SLC35F1: variants seen among roughly 807,000 people sequenced by gnomAD.
SLC35F1 encodes solute carrier family 35 member F1, also known as chromosome 6 open reading frame 169.
Under a neutral mutation model 48.7 loss-of-function variants are expected in SLC35F1, and 14 were observed. The observed-to-expected ratio is 0.29, with a 90% CI of 0.19 to 0.45. The LOEUF (loss-of-function observed/expected upper bound fraction) is 0.45. Among genes scored for constraint, SLC35F1 ranks in the 20% least tolerant of loss-of-function variants. SLC35F1 has a pLI of 1.00. For synonymous variants in SLC35F1, 190 were observed against 202.2 expected (o/e 0.94, Z 0.51); for missense variants, 404 against 500.0 (o/e 0.81, Z 1.83).
chr6:118,029,767 T>A (rs1453831564), intron 1 of SLC35F1, among the ~76,000 whole-genome samples: 2 of 152,216 alleles, frequency 1.3e-5, no homozygotes, highest in African/African-American at 4.8e-5. Context: ...AAAACATTTC[T>A]TTACTAAAAA....
rs545507598 is a variant in SLC35F1 at position 118,195,419 on chromosome 6, G to A, written c.350-40090G>A. Among the ~76,000 whole-genome samples, 22 of 152,214 alleles carry A rather than the reference G, an allele frequency of 1.4e-4. 1 individual carries two copies. Among genetic ancestry groups the A allele is most frequent in the African/African-American group, 5.1e-4 (21 of 41,516 alleles). On this transcript the variant is annotated intron_variant, in intron 2 of 7. Transcript: ENST00000360388. Reference sequence around the variant, plus strand: ...CTGGGTCTAATGTATAAGTCAAAGGGAACTCAGTTTTTCAGCAATTCAGGA... The same window carrying A: ...CTGGGTCTAATGTATAAGTCAAAGGAAACTCAGTTTTTCAGCAATTCAGGA...
Position 118,091,547 on chromosome 6 carries a change from G to A in SLC35F1, c.174-62898G>A, listed in dbSNP as rs180995253. Among the ~76,000 whole-genome samples the A allele has an allele frequency of 5.3e-5, 8 of 152,272 alleles. No individual in the cohort carries two copies. In the East Asian group the frequency reaches 1.5e-3, roughly 29 times the overall value. On this transcript the variant is annotated intron_variant, in intron 1 of 7. Transcript: ENST00000360388. ...CCTCCTCAGTTATGTGGAAGTGTGA[G>A]TCCATTAAACATCTTTTTCCTGATA...
At chr6:118,140,138 T>A (rs1019207395) in intron 1 of SLC35F1, among the ~76,000 whole-genome samples, 3 of 152,186 alleles carry the variant, frequency 2.0e-5, no homozygotes, top group Non-Finnish European at 4.4e-5. Context: ...TATAGCAGCC[T>A]TTACTAGGTG....
chr6:118,037,050 A>G (rs983897985), intron 1 of SLC35F1, among the ~76,000 whole-genome samples: 2 of 152,160 alleles, frequency 1.3e-5, no homozygotes, highest in Non-Finnish European at 2.9e-5. Context: ...TCATTATGAA[A>G]CATCTCTCTT....
chr6:118,107,046 T>C (rs1412051199), intron 1 of SLC35F1, among the ~76,000 whole-genome samples: 1 of 152,238 alleles, frequency 6.6e-6, no homozygotes, highest in Admixed American at 6.5e-5. Context: ...TGCTTATTAC[T>C]TAATTCTGGT....
chr6:118,026,005 G>A (rs1207579217), intron 1 of SLC35F1, among the ~76,000 whole-genome samples: 2 of 152,102 alleles, frequency 1.3e-5, no homozygotes, highest in East Asian at 3.9e-4. Flanking sequence ...TTACTTCAAG[G>A]CACTCTGCTA....
At chr6:117,907,968 GT>G in intron 1 of SLC35F1, 69 bp downstream of exon 1, 1 of 1,267,494 alleles carries the variant, frequency 7.9e-7, no homozygotes, top group Non-Finnish European at 9.9e-7. Context: ...GGTCCCCTCC[GT>G]CCCTGGGGCG....
intron 1 of SLC35F1, among the ~76,000 whole-genome samples, chr6:118,051,563 C>A (rs1289206467): frequency 6.6e-6 from 1 of 152,038 alleles, no homozygotes; most frequent in East Asian, 1.9e-4. Context: ...CTGTTTAAGT[C>A]TTTGGGTAAG....
chr6:118,017,254 C>T (rs937666715), intron 1 of SLC35F1, among the ~76,000 whole-genome samples: 11 of 152,166 alleles, frequency 7.2e-5, no homozygotes, highest in African/African-American at 1.7e-4. Flanking sequence ...AACCTGCAAG[C>T]GGGCTGTGAC....
At chr6:118,072,653 T>G (rs1178605364) in intron 1 of SLC35F1, among the ~76,000 whole-genome samples, 1 of 152,220 alleles carries the variant, frequency 6.6e-6, no homozygotes, top group Non-Finnish European at 1.5e-5. Flanking sequence ...TATTTCATTT[T>G]TTGTTCTAAT....
intron 1 of SLC35F1, among the ~76,000 whole-genome samples, chr6:117,999,838 A>G (rs1447647819): frequency 2.0e-5 from 3 of 152,016 alleles, no homozygotes; most frequent in Non-Finnish European, 4.4e-5. Flanking sequence ...CAAATAAACT[A>G]GAAAATCTAG....
chr6:118,234,798 G>A (rs1167923772), intron 2 of SLC35F1, among the ~76,000 whole-genome samples: 2 of 152,162 alleles, frequency 1.3e-5, no homozygotes, highest in Non-Finnish European at 2.9e-5. Flanking sequence ...CCTGCCTTGA[G>A]AAATAAGGTT....
chr6:118,088,418 A>C (rs1324872412), intron 1 of SLC35F1, among the ~76,000 whole-genome samples: 3 of 152,218 alleles, frequency 2.0e-5, no homozygotes, highest in Non-Finnish European at 2.9e-5. Flanking sequence ...CCATGGCCAC[A>C]AAAGTAGTTT....
At chr6:118,256,431 A>C (rs947338729) in intron 3 of SLC35F1, among the ~76,000 whole-genome samples, 1 of 152,156 alleles carries the variant, frequency 6.6e-6, no homozygotes, top group African/African-American at 2.4e-5. Flanking sequence ...CCTCAGGTTT[A>C]GCCTCTGACA....
At chr6:118,167,847 C>A (rs1774341795) in intron 2 of SLC35F1, among the ~76,000 whole-genome samples, 1 of 152,106 alleles carries the variant, frequency 6.6e-6, no homozygotes, top group Non-Finnish European at 1.5e-5. Context: ...TTTGTAGGAC[C>A]ACCATTGTAT....
intron 3 of SLC35F1, among the ~76,000 whole-genome samples, chr6:118,259,738 A>C (rs765441573): frequency 2.0e-5 from 3 of 151,948 alleles, no homozygotes; most frequent in Non-Finnish European, 4.4e-5. Context: ...TGTTGATAGG[A>C]TAAAGAGAAA....
At chr6:118,216,615 C>CTTG (rs1775076809) in intron 2 of SLC35F1, among the ~76,000 whole-genome samples, 1 of 19,392 alleles carries the variant, frequency 5.2e-5, no homozygotes, top group Non-Finnish European at 1.3e-4. Flanking sequence ...TAAAAGAAAC[C>CTTG]CTACATTATA....
intron 2 of SLC35F1, among the ~76,000 whole-genome samples, chr6:118,223,219 T>C (rs1466600409): frequency 6.6e-6 from 1 of 152,240 alleles, no homozygotes; most frequent in African/African-American, 2.4e-5. Flanking sequence ...GAATACTTTA[T>C]AATAAAAAGC....
chr6:118,065,844 C>T (rs1324459733), intron 1 of SLC35F1, among the ~76,000 whole-genome samples: 1 of 152,240 alleles, frequency 6.6e-6, no homozygotes, highest in African/African-American at 2.4e-5. Context: ...GTAGATAAAT[C>T]ATCACTAGTG....
Sources: allele counts gnomAD v4.1 joint callset (sites outside exome capture counted in the v4.1 genomes callset), GRCh38; gene constraint gnomAD v4.1.1; transcripts MANE v1.5; gene names NCBI Gene and HGNC (gene_info 2026-07-23, HGNC 2026-07-21).